The following MAP4K1 variants were observed in gnomAD, a reference collection of about 807,000 sequenced individuals.
MAP4K1 encodes MAPK/ERK kinase kinase kinase 1.
Under a neutral mutation model 122.8 loss-of-function variants are expected in MAP4K1, and 35 were observed. The ratio of observed to expected loss-of-function variants is 0.29; its 90% CI spans 0.22 to 0.38. The LOEUF (loss-of-function observed/expected upper bound fraction) is 0.38. Among genes scored for constraint, MAP4K1 ranks in the 10% least tolerant of loss-of-function variants. MAP4K1 has a pLI of 1.00. For synonymous variants in MAP4K1, 412 were observed against 421.3 expected, an observed-to-expected ratio of 0.98 and a Z score of 0.27; for missense variants, 791 against 1,072.6, an observed-to-expected ratio of 0.74 and a Z score of 3.67.
chr19:38,597,946 T>C lies in MAP4K1; in HGVS notation c.1670-352A>G, dbSNP rs1974939313. Among the ~76,000 whole-genome samples, 1 of 152,210 alleles carries C rather than the reference T, an allele frequency of 6.6e-6. No homozygotes were observed. The highest frequency in any genetic ancestry group is 1.5e-5 in the Non-Finnish European group (1 of 68,042). On this transcript the variant is annotated intron_variant, in intron 22 of 30. Coordinates refer to ENST00000396857, the MANE Select transcript of MAP4K1 (RefSeq NM_001042600.3). The surrounding 1 kb of genome is among the most constrained non-coding windows in gnomAD (Gnocchi z 4.6). ...AACACATCTAGAAAATCTTCTAGTT[T>C]GTCATCACAGATGTGGCTTTCACTA...
At chr19:38,588,796 G>A (rs1468886674) in intron 30 of MAP4K1, among the ~76,000 whole-genome samples, 1 of 150,134 alleles carries the variant, frequency 6.7e-6, no homozygotes. Context: ...GTGCACGCCT[G>A]TAATCCCAGC....
chr19:38,590,351 T>C (rs1396868867), intron 30 of MAP4K1, among the ~76,000 whole-genome samples: 1 of 107,078 alleles, frequency 9.3e-6, no homozygotes, highest in African/African-American at 3.7e-5. Flanking sequence ...GGCTCCTAAG[T>C]GCCACCTATG....
Position 38,617,787 on chromosome 19 carries a change from G to T in MAP4K1, c.99+10C>A, listed in dbSNP as rs1004256676. The T allele has an allele frequency of 1.2e-6, 2 of 1,613,892 alleles. No homozygotes were observed. Among genetic ancestry groups the T allele is most frequent in the Non-Finnish European group, 1.7e-6 (2 of 1,179,814 alleles). On this transcript the variant is annotated intron_variant, in intron 1 of 30. Coordinates refer to ENST00000396857, the MANE Select transcript of MAP4K1 (RefSeq NM_001042600.3). This position sits in a 1 kb window ranked among gnomAD's most constrained non-coding sequence, Gnocchi z 4.1. ...GTTGTAGGGTGTTGGGGACAGAGGG[G>T]CTTCCTCACCTTAAAGACTTCCCCA...
chr19:38,599,845 G>A (rs747655206), intron 22 of MAP4K1, 80 bp downstream of exon 22: 95 of 1,344,560 alleles, frequency 7.1e-5, no homozygotes, highest in South Asian at 1.8e-4. Context: ...TTTTTCAGCT[G>A]TGCCCGTCTA....
Position 38,597,518 on chromosome 19 carries a change from G to A in MAP4K1, c.1746C>T (p.Ile582=). 2 of 1,614,032 alleles carry A rather than the reference G, an allele frequency of 1.2e-6. No homozygotes were observed. Among genetic ancestry groups the A allele is most frequent in the Non-Finnish European group, 1.7e-6 (2 of 1,179,996 alleles). Reference sequence around the variant, plus strand: ...GTAGGCGGTGGGGGCTAATGTGAGCGATGGGGTTTCCTGCTCTGGTCTCTT... The same window carrying A: ...GTAGGCGGTGGGGGCTAATGTGAGCAATGGGGTTTCCTGCTCTGGTCTCTT... ...ERKETRAGNP[I]AHISPHRLLA... Residue 582 remains isoleucine, a synonymous_variant, in exon 23 of 31, where the codon ATC becomes ATT. Coordinates refer to ENST00000396857, the MANE Select transcript of MAP4K1 (RefSeq NM_001042600.3). This position sits in a 1 kb window ranked among gnomAD's most constrained non-coding sequence, Gnocchi z 4.6.
In MAP4K1 at chr19:38,617,778, G is replaced by T; in HGVS notation, c.99+19C>A. 1.9e-6 allele frequency: 3 copies of T among 1,613,488 alleles called. No homozygotes were observed. The highest frequency in any genetic ancestry group is 2.5e-6 in the Non-Finnish European group (3 of 1,179,402). On this transcript the variant is annotated intron_variant, in intron 1 of 30. Coordinates refer to ENST00000396857, the MANE Select transcript of MAP4K1 (RefSeq NM_001042600.3). The surrounding 1 kb of genome is among the most constrained non-coding windows in gnomAD (Gnocchi z 4.1). ...AGGTCACTGGTTGTAGGGTGTTGGG[G>T]ACAGAGGGGCTTCCTCACCTTAAAG...
intron 29 of MAP4K1, among the ~76,000 whole-genome samples, chr19:38,593,961 T>C (rs1974799166): frequency 6.6e-6 from 1 of 152,298 alleles, no homozygotes; most frequent in African/African-American, 2.4e-5. Context: ...GACACAGTAT[T>C]CTGTGAGATA....
At position 38,603,283 on chromosome 19, in the gene MAP4K1, T is replaced by A. The variant is rs535506906; in HGVS notation, c.1447-1758A>T. Among the ~76,000 whole-genome samples the A allele has an allele frequency of 8.1e-3, 1,182 of 145,480 alleles. 25 individuals are homozygous for A. Among genetic ancestry groups the A allele is most frequent in the African/African-American group, 0.031 (1,116 of 36,374 alleles). On this transcript the variant is annotated intron_variant, in intron 19 of 30. Transcript: ENST00000396857. ...ACGCATATACATATATACACATACA[T>A]ATACACACACACATACATGTATACA...
At chr19:38,612,398 C>T (rs1326718800) in intron 9 of MAP4K1, among the ~76,000 whole-genome samples, 1 of 151,722 alleles carries the variant, frequency 6.6e-6, no homozygotes, top group Non-Finnish European at 1.5e-5. Context: ...CCAGCCTGGG[C>T]AACAGAGCAA....
chr19:38,617,722 C>T lies in MAP4K1; in HGVS notation c.99+75G>A. On this transcript the variant is annotated intron_variant, in intron 1 of 30. Coordinates refer to ENST00000396857, the MANE Select transcript of MAP4K1 (RefSeq NM_001042600.3). The surrounding 1 kb of genome is among the most constrained non-coding windows in gnomAD (Gnocchi z 4.1). ...GGTCAAGAACTGGGACCCCCTCTTG[C>T]AGCCTCCTCCCTGCCGAGGGCTTGC... 2 of 1,601,766 alleles carry T rather than the reference C, an allele frequency of 1.2e-6. No homozygotes were observed. Among genetic ancestry groups the T allele is most frequent in the Non-Finnish European group, 8.6e-7 (1 of 1,168,832 alleles).
chr19:38,591,668 C>A (rs1974731205), intron 30 of MAP4K1, among the ~76,000 whole-genome samples: 1 of 151,586 alleles, frequency 6.6e-6, no homozygotes, highest in South Asian at 2.1e-4. Flanking sequence ...AGATAAAAAT[C>A]TAAAATAAAA....
At chr19:38,596,943 G>A (rs1974907205) in intron 25 of MAP4K1, 91 bp downstream of exon 25, 2 of 1,239,080 alleles carry the variant, frequency 1.6e-6, no homozygotes, top group Non-Finnish European at 2.4e-6. Context: ...ACGGAGGTGG[G>A]GCTTCATGGA....
rs145992581 is a variant in MAP4K1, at chr19:38,602,411, GACACACACAC to G, written c.1447-896_1447-887del. Among the ~76,000 whole-genome samples the G allele has an allele frequency of 2.0e-4, 30 of 148,096 alleles. 1 individual carries two copies. In the East Asian group the frequency reaches 5.7e-3, roughly 28 times the overall value. ...ATATACACATATACATATATATATA[GACACACACAC>G]ACACACACACATATATATACACACA... is the stretch of plus-strand genomic sequence containing the variant. On this transcript the variant is annotated intron_variant, in intron 19 of 30. Transcript: ENST00000396857.
chr19:38,606,267 G>A (rs926954216), intron 16 of MAP4K1, 52 bp from the exon 17 acceptor site: 4 of 880,542 alleles, frequency 4.5e-6, no homozygotes, highest in East Asian at 2.5e-5. Flanking sequence ...ACAAGGACTC[G>A]GGGAAGATGG....
In MAP4K1 at chr19:38,617,770, G is replaced by T. The variant is rs755420964; in HGVS notation, c.99+27C>A. On this transcript the variant is annotated intron_variant, in intron 1 of 30. Transcript: ENST00000396857. This position sits in a 1 kb window ranked among gnomAD's most constrained non-coding sequence, Gnocchi z 4.1. ...TGCCTTAAAGGTCACTGGTTGTAGG[G>T]TGTTGGGGACAGAGGGGCTTCCTCA... 5.6e-6 allele frequency: 9 copies of T among 1,612,086 alleles called. No individual in the cohort carries two copies. The Admixed American group carries it at 1.5e-4, about 27-fold the overall frequency.
chr19:38,597,523 G>A lies in MAP4K1; in HGVS notation c.1741C>T (p.Pro581Ser). 3 of 1,614,006 alleles carry A rather than the reference G, an allele frequency of 1.9e-6. No homozygotes were observed. Among genetic ancestry groups the A allele is most frequent in the Non-Finnish European group, 2.5e-6 (3 of 1,179,982 alleles). Residue 581 changes from proline to serine, a missense_variant, in exon 23 of 31, where the codon CCC becomes TCC. Physicochemically the swap from Pro to Ser is moderately conservative, Grantham distance 74 (BLOSUM62 -1). This residue lies in a region of MAP4K1 where 267 missense variants were observed against 323.0 expected (regional missense o/e 0.83). Transcript: ENST00000396857. This position sits in a 1 kb window ranked among gnomAD's most constrained non-coding sequence, Gnocchi z 4.6. The part of the protein sequence containing the change: ...LERKETRAGN[P>S]IAHISPHRLL... ...CGGTGGGGGCTAATGTGAGCGATGG[G>A]GTTTCCTGCTCTGGTCTCTTTCCGT...
intron 19 of MAP4K1, among the ~76,000 whole-genome samples, chr19:38,605,022 G>A (rs910503824): frequency 1.2e-4 from 18 of 151,404 alleles, no homozygotes; most frequent in African/African-American, 1.9e-4. Flanking sequence ...GGGAGGCGGA[G>A]GTTGTAGTGA....
At chr19:38,609,381 C>T (rs776322529) in intron 13 of MAP4K1, among the ~76,000 whole-genome samples, 7 of 152,146 alleles carry the variant, frequency 4.6e-5, no homozygotes, top group Non-Finnish European at 7.3e-5. Flanking sequence ...ATGATCTGCC[C>T]ACCTTGGCCT....
At position 38,612,596 on chromosome 19, in the gene MAP4K1, C is replaced by T; in HGVS notation, c.665+15G>A. ...AGACAGGATCTCTGGGCCTGGGGACCCCACGCCTGCCTACCTGAGAGGGTG... is the reference window on the plus strand; with the variant it reads ...AGACAGGATCTCTGGGCCTGGGGACTCCACGCCTGCCTACCTGAGAGGGTG... On this transcript the variant is annotated intron_variant, in intron 9 of 30. Coordinates refer to ENST00000396857, the MANE Select transcript of MAP4K1 (RefSeq NM_001042600.3). 6.2e-7 allele frequency: 1 copy of T among 1,609,098 alleles called. No homozygotes were observed. The highest frequency in any genetic ancestry group is 8.5e-7 in the Non-Finnish European group (1 of 1,178,982).
Sources: gnomAD v4.1 joint callset for allele counts (sites outside exome capture counted in the v4.1 genomes callset) on GRCh38, gnomAD v4.1.1 for gene constraint, gnomAD v4.1.1 regional missense constraint, Gnocchi (gnomAD v3.1) non-coding constraint, MANE v1.5 for transcripts, NCBI Gene and HGNC (gene_info 2026-07-23, HGNC 2026-07-21) for gene names.